The following GALR1 variants were observed in gnomAD, a reference collection of about 807,000 sequenced individuals.
GALR1 encodes the protein galanin receptor type 1.
A neutral mutation model predicts 17.9 loss-of-function variants in GALR1; 11 were observed. That is an observed-to-expected ratio of 0.62 (90% confidence interval 0.39 to 1.02). The LOEUF (loss-of-function observed/expected upper bound fraction) is 1.02. GALR1 is among the 50% of genes least tolerant of loss of function. GALR1 has a pLI of 0.01. For synonymous variants in GALR1, 206 were observed against 205.7 expected, an observed-to-expected ratio of 1.00 and a Z score of -0.01; for missense variants, 441 against 456.9, an observed-to-expected ratio of 0.97 and a Z score of 0.32.
chr18:77,254,861 G>A (rs528625527), intron 1 of GALR1, among the ~76,000 whole-genome samples: 5 of 152,308 alleles, frequency 3.3e-5, no homozygotes, highest in African/African-American at 7.2e-5. Context: ...ATGTTGCTGA[G>A]TCATTTCAGG....
At chr18:77,263,135 C>T (rs1433604924) in intron 2 of GALR1, among the ~76,000 whole-genome samples, 1 of 152,206 alleles carries the variant, frequency 6.6e-6, no homozygotes. Flanking sequence ...GAGAGATGGT[C>T]TGATTGTCTT....
At chr18:77,254,250 T>C (rs4890921) in intron 1 of GALR1, among the ~76,000 whole-genome samples, 10,136 of 152,242 alleles carry the variant, frequency 0.067, 525 homozygotes, top group Middle Eastern at 0.14. Context: ...GGTACCTACA[T>C]TCTTCCTCCT....
In GALR1 at chr18:77,250,433, C is replaced by T. The variant is rs1006080105; in HGVS notation, c.-116C>T. 1.4e-5 allele frequency: 16 copies of T among 1,130,194 alleles called. No homozygotes were observed. The African/African-American group carries it at 2.0e-4, about 14-fold the overall frequency. 70.0% of individuals were successfully genotyped at this position (1,130,194 alleles called of 1,614,324 possible). A position where few individuals can be genotyped will look rare whatever the true frequency, so the allele number is the denominator to read the frequency against. On this transcript the variant is annotated 5_prime_UTR_variant, in exon 1 of 3. Coordinates refer to ENST00000299727, the MANE Select transcript of GALR1 (RefSeq NM_001480.4). The stretch of plus-strand genomic sequence containing the variant: ...GCTCGCGCCTCGGGGGAAGCTCAGA[C>T]TCCTAAACTCGCACTCTCCGTGCTT...
At chr18:77,268,215 G>A (rs1212483522) in intron 2 of GALR1, among the ~76,000 whole-genome samples, 1 of 151,956 alleles carries the variant, frequency 6.6e-6, no homozygotes, top group East Asian at 1.9e-4. Flanking sequence ...ATACAGCTGC[G>A]GTGGGTGAGA....
chr18:77,252,391 G>T (rs1912438966), intron 1 of GALR1, among the ~76,000 whole-genome samples: 3 of 152,106 alleles, frequency 2.0e-5, no homozygotes, highest in Non-Finnish European at 4.4e-5. Context: ...GTGACTATAC[G>T]ACCACAAATA....
chr18:77,254,133 G>A (rs1405551944), intron 1 of GALR1: 2 of 152,168 alleles, frequency 1.3e-5, no homozygotes, highest in Non-Finnish European at 1.5e-5. Flanking sequence ...ACCTGGGTTT[G>A]GTTTGAGCTA....
Position 77,271,246 on chromosome 18 carries a change from A to ACCCCCCCCCCCCCC in GALR1, c.*2357_*2358insCCCCCCCCCCCCCC, listed in dbSNP as rs35556274. 3.8e-5 allele frequency: 3 copies of ACCCCCCCCCCCCCC among 77,952 alleles called. No homozygotes were observed. Among genetic ancestry groups the ACCCCCCCCCCCCCC allele is most frequent in the East Asian group, 6.8e-4 (2 of 2,926 alleles). 4.8% of individuals were successfully genotyped at this position (77,952 alleles called of 1,614,324 possible). A position where few individuals can be genotyped will look rare whatever the true frequency, so the allele number is the denominator to read the frequency against. Reference sequence around the variant, plus strand: ...CAAAAAGTAATAGCTTGCGCTTGAAACCCCCCCCCCCCCGCCACTTTGCTA... The same window carrying ACCCCCCCCCCCCCC: ...CAAAAAGTAATAGCTTGCGCTTGAAACCCCCCCCCCCCCCCCCCCCCCCCCCCGCCACTTTGCTA... On this transcript the variant is annotated 3_prime_UTR_variant, in exon 3 of 3. Transcript: ENST00000299727.
In GALR1 at chr18:77,252,887, C is replaced by CCAT. The variant is rs1912463341; in HGVS notation, c.666+1675_666+1676insTCA. ...ACCACCACCACCACCACCATCACCA[C>CCAT]CACCACCATCACCACCACCACCACC... On this transcript the variant is annotated intron_variant, in intron 1 of 2. Transcript: ENST00000299727. Among the ~76,000 whole-genome samples the CCAT allele has an allele frequency of 7.3e-4, 56 of 76,274 alleles. No homozygotes were observed. The East Asian group carries it at 0.011, about 15-fold the overall frequency. 50.0% of individuals were successfully genotyped at this position (76,274 alleles called of 152,430 possible).
At chr18:77,253,830 C>A (rs1912524395) in intron 1 of GALR1, 1 of 152,184 alleles carries the variant, frequency 6.6e-6, no homozygotes, top group African/African-American at 2.4e-5. Flanking sequence ...CCAGAGTTGC[C>A]TTTTGCCTCC....
chr18:77,271,716 T>C lies in GALR1; in HGVS notation c.*2814T>C, dbSNP rs565926328. On this transcript the variant is annotated 3_prime_UTR_variant, in exon 3 of 3. Coordinates refer to ENST00000299727, the MANE Select transcript of GALR1 (RefSeq NM_001480.4). ...ATTTTCAGTTTACTTCAAAGAAAACTGATGCTTTCTAAGCAGATTTGGCTG... is the reference window on the plus strand; with the variant it reads ...ATTTTCAGTTTACTTCAAAGAAAACCGATGCTTTCTAAGCAGATTTGGCTG... The C allele has an allele frequency of 6.6e-6, 1 of 152,340 alleles. No individual in the cohort carries two copies. Among genetic ancestry groups the C allele is most frequent in the Non-Finnish European group, 1.5e-5 (1 of 68,024 alleles). 9.4% of individuals were successfully genotyped at this position (152,340 alleles called of 1,614,324 possible).
rs2000843 is a variant in GALR1, at chr18:77,274,641, C to G, written c.*5739C>G. Reference sequence around the variant, plus strand: ...GACCGTTGACTATGCTGGGAGGGTGCAGAAATGAAGCTGATGGCAGAAGCA... The same window carrying G: ...GACCGTTGACTATGCTGGGAGGGTGGAGAAATGAAGCTGATGGCAGAAGCA... On this transcript the variant is annotated 3_prime_UTR_variant, in exon 3 of 3. Coordinates refer to ENST00000299727, the MANE Select transcript of GALR1 (RefSeq NM_001480.4). 0.88 allele frequency: 133,436 copies of G among 152,138 alleles called. 59,560 individuals carry two copies. The highest frequency in any genetic ancestry group is 0.97 in the Non-Finnish European group (66,047 of 68,048). The allele number at this position is 152,138 out of a possible 1,614,324, so 9.4% of individuals were successfully genotyped here.
rs773821311 is a variant in GALR1 at position 77,268,802 on chromosome 18, T to G, written c.950T>G (p.Val317Gly). 6 of 1,613,898 alleles carry G rather than the reference T, an allele frequency of 3.7e-6. No individual in the cohort carries two copies. Among genetic ancestry groups the G allele is most frequent in the Non-Finnish European group, 5.1e-6 (6 of 1,179,796 alleles). The change falls in exon 3 of 3, where the codon GTG (valine) becomes GGG (glycine). Residue 317 changes from valine to glycine, a missense_variant. By Grantham distance (109) the Val-to-Gly change is moderately radical. Coordinates refer to ENST00000299727, the MANE Select transcript of GALR1 (RefSeq NM_001480.4). ...AATTTCAGGAAGGCCTATAAACAAG[T>G]GTTCAAGTGTCACATTCGCAAAGAT... ...SENFRKAYKQ[V>G]FKCHIRKDSH...
rs1204179736 is a variant in GALR1, at chr18:77,276,311, T to G, written c.*7409T>G. 1.3e-5 allele frequency: 2 copies of G among 152,208 alleles called. No homozygotes were observed. The highest frequency in any genetic ancestry group is 2.9e-5 in the Non-Finnish European group (2 of 68,062). 9.4% of individuals were successfully genotyped at this position (152,208 alleles called of 1,614,324 possible). A position where few individuals can be genotyped will look rare whatever the true frequency, so the allele number is the denominator to read the frequency against. ...CTGAGGGTTTGGTCTGAATTCTGTT[T>G]TTTCATTGCTACTGGAAGTGCTGTC... On this transcript the variant is annotated 3_prime_UTR_variant, in exon 3 of 3. Transcript: ENST00000299727.
At chr18:77,252,923 T>TCACCACCACCACCACCACCACCACCAC (rs1912475884) in intron 1 of GALR1, among the ~76,000 whole-genome samples, 1 of 84,672 alleles carries the variant, frequency 1.2e-5, no homozygotes, top group African/African-American at 4.9e-5. Context: ...ACCACCACCA[T>TCACCACCACCACCACCACCACCACCAC]CACCACCACC....
rs1913132196 is a variant in GALR1 at position 77,275,180 on chromosome 18, C to T, written c.*6278C>T. On this transcript the variant is annotated 3_prime_UTR_variant, in exon 3 of 3. Transcript: ENST00000299727. ...TCTGGACCCAGCGGGGGCCACATCT[C>T]TGAGAATTCGTTCCCTGTGGGTGTC... 1.3e-5 allele frequency: 2 copies of T among 152,284 alleles called. No homozygotes were observed. The highest frequency in any genetic ancestry group is 4.8e-5 in the African/African-American group (2 of 41,450). 9.4% of individuals were successfully genotyped at this position (152,284 alleles called of 1,614,324 possible).
chr18:77,259,160 A>T lies in GALR1; in HGVS notation c.732+2937A>T, dbSNP rs1464063702. Among the ~76,000 whole-genome samples the T allele has an allele frequency of 8.4e-4, 2 of 2,384 alleles. 1 individual carries two copies. The highest frequency in any genetic ancestry group is 9.6e-4 in the African/African-American group (2 of 2,084). The allele number at this position is 2,384 out of a possible 152,430, so 1.6% of individuals were successfully genotyped here. ...GGTGGTCATGGTGGTCATGGTGGTG[A>T]TGATGGTGGTGATGATGGTGGTGAT... is the stretch of plus-strand genomic sequence containing the variant. On this transcript the variant is annotated intron_variant, in intron 2 of 2. Transcript: ENST00000299727.
In GALR1 at chr18:77,251,003, C is replaced by A. The variant is rs1173376603; in HGVS notation, c.455C>A (p.Ala152Glu). The A allele has an allele frequency of 6.2e-7, 1 of 1,604,794 alleles. No homozygotes were observed. The highest frequency in any genetic ancestry group is 2.2e-5 in the East Asian group (1 of 44,874). ...TCCTCCCTCAGGGTGTCCCGCAACG[C>A]GCTGCTGGGCGTGGGCTGCATCTGG... ...RSSSLRVSRN[A>E]LLGVGCIWAL... is the part of the protein sequence containing the mutation. The change falls in exon 1 of 3, where the codon GCG becomes GAG. Residue 152 changes from alanine (A) to glutamate (E), a missense_variant. Transcript: ENST00000299727.
At chr18:77,255,294 A>G (rs984308698) in intron 1 of GALR1, among the ~76,000 whole-genome samples, 2 of 152,366 alleles carry the variant, frequency 1.3e-5, no homozygotes, top group South Asian at 2.1e-4. Context: ...AAATTCCTAC[A>G]TCTAAAACCC....
In GALR1 at chr18:77,250,025, G is replaced by C. The variant is rs1912353648; in HGVS notation, c.-524G>C. 6.6e-6 allele frequency among the ~76,000 whole-genome samples: 1 copy of C among 152,170 alleles called. No homozygotes were observed. The highest frequency in any genetic ancestry group is 1.5e-5 in the Non-Finnish European group (1 of 68,024). Reference sequence around the variant, plus strand: ...GCGCTGGGCGCGCGGGATGCGCGGGGAGCCTTCTCTGCAGGAGCCGCACAG... The same window carrying C: ...GCGCTGGGCGCGCGGGATGCGCGGGCAGCCTTCTCTGCAGGAGCCGCACAG... On this transcript the variant is annotated 5_prime_UTR_variant, in exon 1 of 3. Coordinates refer to ENST00000299727, the MANE Select transcript of GALR1 (RefSeq NM_001480.4).
Sources: allele counts gnomAD v4.1 joint callset (sites outside exome capture counted in the v4.1 genomes callset), GRCh38; gene constraint gnomAD v4.1.1; transcripts MANE v1.5; gene names NCBI Gene and HGNC (gene_info 2026-07-23, HGNC 2026-07-21).